Variants in CDH23 observed in about 807,000 individuals in gnomAD.
CDH23 encodes cadherin-23.
A neutral mutation model predicts 317.1 loss-of-function variants in CDH23; 189 were observed. The ratio of observed to expected loss-of-function variants is 0.60; its 90% confidence interval spans 0.53 to 0.67. The LOEUF is 0.67. CDH23 is among the 30% of genes least tolerant of loss of function. The pLI, the probability that CDH23 is intolerant of heterozygous loss-of-function variation, is 0.00. For synonymous variants in CDH23, 1,839 were observed against 1,876.8 expected (o/e 0.98, Z 0.52); for missense variants, 4,401 against 4,592.4 (o/e 0.96, Z 1.20).
chr10:71,709,517 G>T (rs1865899907), intron 27 of CDH23, among the ~76,000 whole-genome samples: 1 of 152,238 alleles, frequency 6.6e-6, no homozygotes, highest in South Asian at 2.1e-4. Flanking sequence ...ATTGGGCAGT[G>T]GTGCAAACAC....
intron 52 of CDH23, among the ~76,000 whole-genome samples, chr10:71,800,242 G>A (rs1199374737): frequency 2.6e-5 from 4 of 152,238 alleles, no homozygotes; most frequent in African/African-American, 9.6e-5. Flanking sequence ...GCTGGGGCTG[G>A]AACTGGACTT....
intron 34 of CDH23, chr10:71,737,963 C>T: frequency 5.2e-6 from 2 of 383,810 alleles, no homozygotes; most frequent in Non-Finnish European, 1.1e-5. Flanking sequence ...CCCTCCTGCT[C>T]CTGGGCCCAT....
At chr10:71,663,670 T>C (rs938853964) in intron 14 of CDH23, among the ~76,000 whole-genome samples, 59 of 152,228 alleles carry the variant, frequency 3.9e-4, no homozygotes, top group African/African-American at 1.3e-3. Context: ...ACCTGTCTCA[T>C]AGAGTGGGAG....
intron 3 of CDH23, among the ~76,000 whole-genome samples, chr10:71,508,558 A>C (rs1853772145): frequency 6.6e-6 from 1 of 152,226 alleles, no homozygotes. Context: ...TAGCATCATC[A>C]TGTTAGAACT....
Position 71,751,952 on chromosome 10 carries a change from C to G in CDH23, c.4845+10031C>G. ...CCCAGTTTTTCTCTCCTCCCTTTCT[C>G]TCACCTACATCCCCATCCCCAAGCC... On this transcript the variant is annotated intron_variant, in intron 38 of 69. Coordinates refer to ENST00000224721, the MANE Select transcript of CDH23 (RefSeq NM_022124.6). This position sits in a 1 kb window ranked among gnomAD's most constrained non-coding sequence, Gnocchi z 4.9. 1 of 1,304,796 alleles carries G rather than the reference C, an allele frequency of 7.7e-7. No individual in the cohort carries two copies. The highest frequency in any genetic ancestry group is 1.1e-6 in the Non-Finnish European group (1 of 934,966). 80.8% of individuals were successfully genotyped at this position (1,304,796 alleles called of 1,614,324 possible).
chr10:71,590,022 G>C (rs1440000697), intron 9 of CDH23, among the ~76,000 whole-genome samples: 1 of 152,198 alleles, frequency 6.6e-6, no homozygotes, highest in Non-Finnish European at 1.5e-5. Flanking sequence ...GAACCCAGCA[G>C]GCTGGCTGTA....
chr10:71,620,755 G>T (rs933938593), intron 11 of CDH23, among the ~76,000 whole-genome samples: 1 of 152,212 alleles, frequency 6.6e-6, no homozygotes, highest in African/African-American at 2.4e-5. Flanking sequence ...AGGAGAGGCA[G>T]CCCAGGAGCC....
chr10:71,581,121 C>A (rs546258812), intron 9 of CDH23, among the ~76,000 whole-genome samples: 1 of 152,380 alleles, frequency 6.6e-6, no homozygotes, highest in African/African-American at 2.4e-5. Flanking sequence ...CTGGCCAGTG[C>A]CTGTTTATTG....
intron 11 of CDH23, among the ~76,000 whole-genome samples, chr10:71,643,169 T>A (rs1389247979): frequency 1.3e-5 from 2 of 152,108 alleles, no homozygotes; most frequent in Non-Finnish European, 2.9e-5. Flanking sequence ...CACAGAGCAA[T>A]GTGCATAGCA....
intron 9 of CDH23, among the ~76,000 whole-genome samples, chr10:71,584,607 T>G (rs1334371102): frequency 6.8e-6 from 1 of 146,152 alleles, no homozygotes; most frequent in East Asian, 2.0e-4. Context: ...ACAGTCAGAC[T>G]TGCACAACCT....
chr10:71,506,614 G>A (rs1853651684), intron 3 of CDH23, among the ~76,000 whole-genome samples: 1 of 152,050 alleles, frequency 6.6e-6, no homozygotes, highest in Admixed American at 6.5e-5. Flanking sequence ...ACAACCATAG[G>A]TTGCTGGAAA....
At position 71,754,554 on chromosome 10, in the gene CDH23, A is replaced by C. The variant is rs1331164163; in HGVS notation, c.4845+12633A>C. Among the ~76,000 whole-genome samples, 7 of 152,282 alleles carry C rather than the reference A, an allele frequency of 4.6e-5. No homozygotes were observed. The East Asian group carries it at 1.4e-3, about 29-fold the overall frequency. On this transcript the variant is annotated intron_variant, in intron 38 of 69. Coordinates refer to ENST00000224721, the MANE Select transcript of CDH23 (RefSeq NM_022124.6). ...CCAAGACTCAAGGGCAGGGTCAGGA[A>C]CTAGGCAAGGGGCACTGTCACCTGG...
intron 48 of CDH23, 124 bp downstream of exon 48, chr10:71,793,764 C>G (rs1435382992): frequency 9.3e-6 from 7 of 751,262 alleles, no homozygotes; most frequent in South Asian, 1.9e-5. Context: ...CTTCTCTCCC[C>G]CTCCTCTGGA....
rs1564573009 is a variant in CDH23, at chr10:71,427,249, A to AAG, written c.-5-12576_-5-12575dup. Among the ~76,000 whole-genome samples the AAG allele has an allele frequency of 4.2e-3, 579 of 136,254 alleles. 38 individuals carry two copies. Among genetic ancestry groups the AAG allele is most frequent in the African/African-American group, 0.015 (535 of 35,108 alleles). The allele number at this position is 136,254 out of a possible 152,430, so 89.4% of individuals were successfully genotyped here. On this transcript the variant is annotated intron_variant, in intron 1 of 69. Coordinates refer to ENST00000224721, the MANE Select transcript of CDH23 (RefSeq NM_022124.6). ...AGAAAGAAAGAAAGAAAGAAAGGGA[A>AAG]AGAAAGAAAGAGAAAGAGAGAAAGA...
At position 71,535,869 on chromosome 10, in the gene CDH23, C is replaced by T. The variant is rs531216799; in HGVS notation, c.429+24657C>T. ...GATGTGCTGCATAGGCAGCTCTCTC[C>T]ACACGGTGTTGAGTTGGGACACAGG... On this transcript the variant is annotated intron_variant, in intron 6 of 69. Transcript: ENST00000224721. 3.6e-3 allele frequency among the ~76,000 whole-genome samples: 548 copies of T among 152,382 alleles called. 2 individuals carry two copies. Among genetic ancestry groups the T allele is most frequent in the African/African-American group, 0.013 (529 of 41,594 alleles).
intron 9 of CDH23, among the ~76,000 whole-genome samples, chr10:71,608,335 A>C (rs1172600817): frequency 6.6e-6 from 1 of 152,188 alleles, no homozygotes; most frequent in East Asian, 1.9e-4. Context: ...CCAGGTGACC[A>C]AGTCAGAGGC....
chr10:71,707,182 G>C, intron 26 of CDH23, 133 bp downstream of exon 26: 1 of 1,527,166 alleles, frequency 6.5e-7, no homozygotes, highest in Non-Finnish European at 8.8e-7. Flanking sequence ...TTGGGCTTTA[G>C]CCTCTGGTGG....
At chr10:71,503,420 C>A (rs1206662802) in intron 3 of CDH23, among the ~76,000 whole-genome samples, 1 of 152,258 alleles carries the variant, frequency 6.6e-6, no homozygotes, top group Non-Finnish European at 1.5e-5. Flanking sequence ...GCTATACTCT[C>A]TCTTCCCGTT....
chr10:71,772,920 C>CG (rs1434773851), intron 38 of CDH23, among the ~76,000 whole-genome samples: 2 of 152,330 alleles, frequency 1.3e-5, no homozygotes, highest in East Asian at 3.9e-4. Context: ...GAGCATACCA[C>CG]GCCCTCTGTG....
Sources: allele counts gnomAD v4.1 joint callset (sites outside exome capture counted in the v4.1 genomes callset), GRCh38; gene constraint gnomAD v4.1.1; non-coding constraint Gnocchi (gnomAD v3.1); transcripts MANE v1.5; gene names NCBI Gene and HGNC (gene_info 2026-07-23, HGNC 2026-07-21).